The following HFM1 variants were observed in gnomAD, a reference collection of about 807,000 sequenced individuals.
HFM1 encodes helicase for meiosis 1, also known as probable ATP-dependent DNA helicase HFM1.
HFM1 carries 169 observed loss-of-function variants against 192.1 expected under a neutral mutation model. The observed-to-expected ratio is 0.88, with a 90% CI of 0.78 to 1.00. HFM1 has a LOEUF of 1.00. HFM1 is among the 50% of genes least tolerant of loss of function. HFM1 has a pLI of 0.00. For missense variants in HFM1, 1,661 were observed against 1,668.0 expected (o/e 1.00, Z 0.07); for synonymous variants, 525 against 537.8 (o/e 0.98, Z 0.33).
At chr1:91,270,949 G>A (rs1666234511) in intron 34 of HFM1, among the ~76,000 whole-genome samples, 1 of 152,072 alleles carries the variant, frequency 6.6e-6, no homozygotes, top group Non-Finnish European at 1.5e-5. Context: ...AAGAGATAGA[G>A]GGTATGGGGA....
chr1:91,317,878 AT>A (rs951527754), intron 25 of HFM1, among the ~76,000 whole-genome samples: 12 of 147,872 alleles, frequency 8.1e-5, no homozygotes, highest in East Asian at 7.9e-4. Flanking sequence ...CTTTTATATG[AT>A]TTTTTTTTTC....
At chr1:91,353,580 C>G (rs1318149418) in intron 13 of HFM1, among the ~76,000 whole-genome samples, 1 of 147,280 alleles carries the variant, frequency 6.8e-6, no homozygotes, top group Non-Finnish European at 1.5e-5. Context: ...TAAAAGTCTA[C>G]TCTCATAATT....
At position 91,261,353 on chromosome 1, in the gene HFM1, A is replaced by G. The variant is rs1665137721; in HGVS notation, c.4245T>C (p.Tyr1415=). 1 of 1,394,776 alleles carries G rather than the reference A, an allele frequency of 7.2e-7. No homozygotes were observed. The highest frequency in any genetic ancestry group is 2.7e-5 in the East Asian group (1 of 37,184). The allele number at this position is 1,394,776 out of a possible 1,614,324, so 86.4% of individuals were successfully genotyped here. Residue 1415 remains tyrosine, a synonymous_variant, in exon 39 of 39, where the codon TAT becomes TAC. Coordinates refer to ENST00000370425, the MANE Select transcript of HFM1 (RefSeq NM_001017975.6). ...ECKKEVDFSM[Y]HPDDEADEMK... ...TTTCATCAGCTTCATCATCAGGATG[A>G]TACATACTGGGAGAAAGAAGAAAAA...
At chr1:91,351,850 T>A (rs1216556848) in intron 16 of HFM1, among the ~76,000 whole-genome samples, 1 of 151,970 alleles carries the variant, frequency 6.6e-6, no homozygotes, top group Non-Finnish European at 1.5e-5. Flanking sequence ...TCACTTTGGT[T>A]TCAATGTAAC....
intron 2 of HFM1, among the ~76,000 whole-genome samples, chr1:91,399,984 C>T (rs1664109851): frequency 6.6e-6 from 1 of 152,160 alleles, no homozygotes; most frequent in Non-Finnish European, 1.5e-5. Context: ...TTACATGGTC[C>T]TATTACTTAT....
chr1:91,298,143 A>T (rs1647994989), intron 30 of HFM1, among the ~76,000 whole-genome samples: 1 of 152,238 alleles, frequency 6.6e-6, no homozygotes, highest in Non-Finnish European at 1.5e-5. Flanking sequence ...TGACGAATGC[A>T]CAAGCCTCAG....
At chr1:91,321,684 T>A (rs1455838517) in intron 23 of HFM1, among the ~76,000 whole-genome samples, 1 of 152,154 alleles carries the variant, frequency 6.6e-6, no homozygotes. Flanking sequence ...CATTCTCTCT[T>A]CTTGGTTATG....
intron 26 of HFM1, 81 bp from the exon 27 acceptor site, chr1:91,316,265 T>C: frequency 9.8e-7 from 1 of 1,015,456 alleles, no homozygotes; most frequent in Non-Finnish European, 1.5e-6. Context: ...TAAATAGCTT[T>C]AATAATGCTT....
chr1:91,315,992 T>C lies in HFM1; in HGVS notation c.2983-20A>G, dbSNP rs374390346. 1.1e-5 allele frequency: 17 copies of C among 1,548,410 alleles called. No homozygotes were observed. Among genetic ancestry groups the C allele is most frequent in the Non-Finnish European group, 6.2e-6 (7 of 1,126,344 alleles). On this transcript the variant is annotated intron_variant, in intron 27 of 38. Coordinates refer to ENST00000370425, the MANE Select transcript of HFM1 (RefSeq NM_001017975.6). Reference sequence around the variant, plus strand: ...TGTAATCTTTAAAAAAGGACAAGTATAAAAAGTGTTAAAAATAACCTTACT... The same window carrying C: ...TGTAATCTTTAAAAAAGGACAAGTACAAAAAGTGTTAAAAATAACCTTACT...
chr1:91,279,902 G>T (rs1463360439), intron 30 of HFM1, among the ~76,000 whole-genome samples: 1 of 151,836 alleles, frequency 6.6e-6, no homozygotes, highest in African/African-American at 2.4e-5. Context: ...GAAGTACAGG[G>T]AACACTAAAA....
chr1:91,347,576 T>C lies in HFM1; in HGVS notation c.2207-100A>G. On this transcript the variant is annotated intron_variant, in intron 18 of 38. Coordinates refer to ENST00000370425, the MANE Select transcript of HFM1 (RefSeq NM_001017975.6). ...AAGAGCAGTCTAATGAAATCTTATA[T>C]AAGAAAAAAAAATCTCAGCTGATTG... 8.3e-6 allele frequency: 5 copies of C among 600,158 alleles called. No individual in the cohort carries two copies. The South Asian group carries it at 1.4e-4, about 17-fold the overall frequency. The allele number at this position is 600,158 out of a possible 1,614,324, so 37.2% of individuals were successfully genotyped here. A position where few individuals can be genotyped will look rare whatever the true frequency, so the allele number is the denominator to read the frequency against.
At chr1:91,299,784 A>C (rs887882011) in intron 30 of HFM1, among the ~76,000 whole-genome samples, 2 of 152,208 alleles carry the variant, frequency 1.3e-5, no homozygotes. Flanking sequence ...CATTCAAAGC[A>C]GTGTGTAGAG....
upstream of HFM1, among the ~76,000 whole-genome samples, chr1:91,405,964 T>C (rs1326049911): frequency 6.6e-6 from 1 of 152,234 alleles, no homozygotes; most frequent in Non-Finnish European, 1.5e-5. Flanking sequence ...GCATTTGTTA[T>C]AGTGAACCCC....
intron 13 of HFM1, among the ~76,000 whole-genome samples, chr1:91,362,364 T>C (rs904124301): frequency 3.9e-5 from 6 of 152,134 alleles, no homozygotes; most frequent in Admixed American, 1.3e-4. Context: ...ACAAAATCAA[T>C]GTGCAAAAAT....
At chr1:91,275,431 T>C (rs185219446) in intron 32 of HFM1, among the ~76,000 whole-genome samples, 328 of 152,344 alleles carry the variant, frequency 2.2e-3, no homozygotes, top group Non-Finnish European at 3.6e-3. Flanking sequence ...CTCTGTCTCC[T>C]GATTTTCAAA....
At chr1:91,347,267 G>A (rs956702542) in intron 19 of HFM1, among the ~76,000 whole-genome samples, 162 bp downstream of exon 19, 24 of 152,118 alleles carry the variant, frequency 1.6e-4, no homozygotes, top group African/African-American at 5.6e-4. Context: ...AAGTATATAT[G>A]CCAAGCTTTT....
At chr1:91,365,447 C>T (rs2101869424) in intron 13 of HFM1, among the ~76,000 whole-genome samples, 1 of 151,902 alleles carries the variant, frequency 6.6e-6, no homozygotes, top group East Asian at 1.9e-4. Context: ...ATATGAATCA[C>T]ATAACATCAT....
intron 30 of HFM1, among the ~76,000 whole-genome samples, chr1:91,299,822 AG>A (rs1348658813): frequency 6.6e-6 from 1 of 152,204 alleles, no homozygotes; most frequent in East Asian, 1.9e-4. Flanking sequence ...AATGCCCACA[AG>A]AAAAAGCAGG....
chr1:91,364,357 A>G (rs546866507), intron 13 of HFM1, among the ~76,000 whole-genome samples: 7 of 152,050 alleles, frequency 4.6e-5, no homozygotes, highest in Non-Finnish European at 7.4e-5. Context: ...GCAGATTGGT[A>G]CAGCCATTAT....
Sources: allele counts gnomAD v4.1 joint callset (sites outside exome capture counted in the v4.1 genomes callset), GRCh38; gene constraint gnomAD v4.1.1; transcripts MANE v1.5; gene names NCBI Gene and HGNC (gene_info 2026-07-23, HGNC 2026-07-21).